IL2RA: variants seen among roughly 807,000 people sequenced by gnomAD.
The protein encoded by IL2RA is interleukin-2 receptor subunit alpha.
IL2RA carries 24 observed loss-of-function variants against 37.8 expected under a neutral mutation model. The ratio of observed to expected loss-of-function variants is 0.63; its 90% CI spans 0.46 to 0.89. The LOEUF (loss-of-function observed/expected upper bound fraction) is 0.89, where lower values mean the gene tolerates loss of function less well. Ranked by LOEUF, IL2RA falls within the 40% of genes least tolerant of loss-of-function variation. IL2RA has a pLI of 0.00. For missense variants in IL2RA, 319 were observed against 348.6 expected (o/e 0.92, Z 0.68); for synonymous variants, 125 against 114.6 (o/e 1.09, Z -0.58).
At chr10:6,050,807 T>C (rs1839940749) in intron 1 of IL2RA, among the ~76,000 whole-genome samples, 1 of 152,062 alleles carries the variant, frequency 6.6e-6, no homozygotes, top group South Asian at 2.1e-4. Context: ...AGGAGGAGGA[T>C]GGGTGCCCTG....
rs1215672509 is a variant in IL2RA, at chr10:6,048,649, C to T, written c.64+13439G>A. On this transcript the variant is annotated intron_variant, in intron 1 of 7. Transcript: ENST00000379959. The surrounding 1 kb of genome is among the most constrained non-coding windows in gnomAD (Gnocchi z 5.3). ...GTTAAAACCCTACCCTCATGGACTT[C>T]CATGGAGGTTACTCAATGCCCTATG... 1.3e-5 allele frequency among the ~76,000 whole-genome samples: 2 copies of T among 152,238 alleles called. No homozygotes were observed. The highest frequency in any genetic ancestry group is 2.9e-5 in the Non-Finnish European group (2 of 68,040).
In IL2RA at chr10:6,010,892, A is replaced by T. The variant is rs1003749869; in HGVS notation, c.*1980T>A. On this transcript the variant is annotated 3_prime_UTR_variant, in exon 8 of 8. Transcript: ENST00000379959. The stretch of plus-strand genomic sequence containing the variant: ...GATCTTATAGACCCCTCAACACCCA[A>T]AAGTCGTAATCAGTTCTACTCAAGT... 2 of 152,258 alleles carry T rather than the reference A, an allele frequency of 1.3e-5. No homozygotes were observed. Among genetic ancestry groups the T allele is most frequent in the African/African-American group, 4.8e-5 (2 of 41,426 alleles). The allele number at this position is 152,258 out of a possible 1,614,324, so 9.4% of individuals were successfully genotyped here. A position where few individuals can be genotyped will look rare whatever the true frequency, so the allele number is the denominator to read the frequency against.
In IL2RA at chr10:6,036,479, T is replaced by C. The variant is rs1839684773; in HGVS notation, c.65-10454A>G. 6.6e-6 allele frequency: 1 copy of C among 152,112 alleles called. No homozygotes were observed. The highest frequency in any genetic ancestry group is 2.4e-5 in the African/African-American group (1 of 41,410). The allele number at this position is 152,112 out of a possible 1,614,324, so 9.4% of individuals were successfully genotyped here. The stretch of plus-strand genomic sequence containing the variant: ...TCCTCCTGGCAAGAGGCCCCATTTT[T>C]CTTGCCACTGAGGTTAAGTGAAAAC... On this transcript the variant is annotated intron_variant, in intron 1 of 7. Transcript: ENST00000379959. The surrounding 1 kb of genome is among the most constrained non-coding windows in gnomAD (Gnocchi z 6.1).
Position 6,010,807 on chromosome 10 carries a change from T to C in IL2RA, c.*2065A>G, listed in dbSNP as rs550450134. 1 of 152,308 alleles carries C rather than the reference T, an allele frequency of 6.6e-6. No individual in the cohort carries two copies. The highest frequency in any genetic ancestry group is 2.1e-4 in the South Asian group (1 of 4,826). 9.4% of individuals were successfully genotyped at this position (152,308 alleles called of 1,614,324 possible). A position where few individuals can be genotyped will look rare whatever the true frequency, so the allele number is the denominator to read the frequency against. The stretch of plus-strand genomic sequence containing the variant: ...GCTTCTGGAAAATTCCACCATACAC[T>C]TTTGAGAGAAGGACAGATAAATGGT... On this transcript the variant is annotated 3_prime_UTR_variant, in exon 8 of 8. Transcript: ENST00000379959.
chr10:6,042,167 A>AAAAAAAAAAAAAAAAAATAC (rs1564549506), intron 1 of IL2RA, among the ~76,000 whole-genome samples: 1 of 149,122 alleles, frequency 6.7e-6, no homozygotes, highest in African/African-American at 2.4e-5. Flanking sequence ...AAAAAAAAAA[A>AAAAAAAAAAAAAAAAAATAC]ATTCTGATCA....
At chr10:6,060,246 T>C (rs568210052) in intron 1 of IL2RA, among the ~76,000 whole-genome samples, 3 of 152,264 alleles carry the variant, frequency 2.0e-5, no homozygotes, top group African/African-American at 7.2e-5. Context: ...CACGATGGAC[T>C]CTGAGGACTC....
chr10:6,019,014 A>G (rs199965784), intron 6 of IL2RA, among the ~76,000 whole-genome samples: 1 of 151,940 alleles, frequency 6.6e-6, no homozygotes, highest in East Asian at 1.9e-4. Flanking sequence ...CTAACAACCA[A>G]CCTACCAACC....
intron 6 of IL2RA, 120 bp downstream of exon 6, chr10:6,019,308 C>G: frequency 3.7e-6 from 3 of 803,124 alleles, no homozygotes; most frequent in Non-Finnish European, 6.8e-6. Flanking sequence ...ACCTATCAAC[C>G]TACCAGTCAA....
chr10:6,057,649 T>A lies in IL2RA; in HGVS notation c.64+4439A>T, dbSNP rs533684797. Among the ~76,000 whole-genome samples the A allele has an allele frequency of 1.3e-5, 2 of 152,160 alleles. No homozygotes were observed. The highest frequency in any genetic ancestry group is 2.9e-5 in the Non-Finnish European group (2 of 68,020). ...CTGCAAGGTTTATTTTCCTGCTAAT[T>A]CTATTCCCTGTGACCTCAAGCAACA... is the stretch of plus-strand genomic sequence containing the variant. On this transcript the variant is annotated intron_variant, in intron 1 of 7. Coordinates refer to ENST00000379959, the MANE Select transcript of IL2RA (RefSeq NM_000417.3). This position sits in a 1 kb window ranked among gnomAD's most constrained non-coding sequence, Gnocchi z 4.8.
rs551131164 is a variant in IL2RA, at chr10:6,010,834, G to T, written c.*2038C>A. 6.6e-6 allele frequency: 1 copy of T among 152,130 alleles called. No homozygotes were observed. The highest frequency in any genetic ancestry group is 2.1e-4 in the South Asian group (1 of 4,832). The allele number at this position is 152,130 out of a possible 1,614,324, so 9.4% of individuals were successfully genotyped here. Reference sequence around the variant, plus strand: ...TTGAGAGAAGGACAGATAAATGGTCGATAACATCTTAGTATTATCATGGAA... The same window carrying T: ...TTGAGAGAAGGACAGATAAATGGTCTATAACATCTTAGTATTATCATGGAA... On this transcript the variant is annotated 3_prime_UTR_variant, in exon 8 of 8. Coordinates refer to ENST00000379959, the MANE Select transcript of IL2RA (RefSeq NM_000417.3).
At chr10:6,024,499 G>A (rs12722574) in intron 2 of IL2RA, 145 bp from the exon 3 acceptor site, 146,473 of 678,636 alleles carry the variant, frequency 0.22, 17,997 homozygotes, top group African/African-American at 0.44. Context: ...TTACAAATAC[G>A]AAACCAGAGT....
chr10:6,049,029 A>T (rs1839907580), intron 1 of IL2RA, among the ~76,000 whole-genome samples: 1 of 152,198 alleles, frequency 6.6e-6, no homozygotes, highest in Admixed American at 6.5e-5. Context: ...AACCAATAGG[A>T]TGTATGTAGA....
In IL2RA at chr10:6,054,543, A is replaced by G. The variant is rs893977833; in HGVS notation, c.64+7545T>C. Among the ~76,000 whole-genome samples, 8 of 152,260 alleles carry G rather than the reference A, an allele frequency of 5.3e-5. No homozygotes were observed. Among genetic ancestry groups the G allele is most frequent in the Middle Eastern group, 3.4e-3 (1 of 294 alleles). ...ACTCATTTGCTTGGCACACACACAC[A>G]AAACTTCATGTATGTTGAAATATGG... On this transcript the variant is annotated intron_variant, in intron 1 of 7. Coordinates refer to ENST00000379959, the MANE Select transcript of IL2RA (RefSeq NM_000417.3). The surrounding 1 kb of genome is among the most constrained non-coding windows in gnomAD (Gnocchi z 4.5).
At chr10:6,013,948 C>T (rs1839234734) in intron 7 of IL2RA, among the ~76,000 whole-genome samples, 3 of 151,074 alleles carry the variant, frequency 2.0e-5, no homozygotes, top group South Asian at 2.1e-4. Context: ...TCTCCCACCT[C>T]GCCCTTACCA....
In IL2RA at chr10:6,046,332, T is replaced by G. The variant is rs889409208; in HGVS notation, c.64+15756A>C. On this transcript the variant is annotated intron_variant, in intron 1 of 7. Transcript: ENST00000379959. The surrounding 1 kb of genome is among the most constrained non-coding windows in gnomAD (Gnocchi z 4.8). ...GGCGCTTTCAGATACTACCATGATC[T>G]GCTAGTCTACTGTGATTTTGCTTAA... 7.2e-5 allele frequency among the ~76,000 whole-genome samples: 11 copies of G among 152,210 alleles called. No homozygotes were observed. The highest frequency in any genetic ancestry group is 2.6e-4 in the Admixed American group (4 of 15,278).
At chr10:6,050,047 C>T (rs1442196649) in intron 1 of IL2RA, among the ~76,000 whole-genome samples, 3 of 152,088 alleles carry the variant, frequency 2.0e-5, no homozygotes, top group Non-Finnish European at 4.4e-5. Flanking sequence ...ATGTTGTGTG[C>T]CAGGCAGAGG....
At chr10:6,041,739 A>G (rs1435558430) in intron 1 of IL2RA, among the ~76,000 whole-genome samples, 1 of 152,232 alleles carries the variant, frequency 6.6e-6, no homozygotes, top group African/African-American at 2.4e-5. Context: ...GTGACATGTG[A>G]AGGTTGAACT....
At chr10:6,051,523 TTTC>T (rs1564552644) in intron 1 of IL2RA, among the ~76,000 whole-genome samples, 1 of 145,922 alleles carries the variant, frequency 6.9e-6, no homozygotes, top group Non-Finnish European at 1.5e-5. Flanking sequence ...ATATATTTTT[TTTC>T]TTTTTTTTTT....
At chr10:6,030,053 A>G (rs1839551657) in intron 1 of IL2RA, among the ~76,000 whole-genome samples, 1 of 152,238 alleles carries the variant, frequency 6.6e-6, no homozygotes, top group African/African-American at 2.4e-5. Context: ...AATATCTGAA[A>G]TGAGCCTAGC....
Sources: gnomAD v4.1 joint callset for allele counts (sites outside exome capture counted in the v4.1 genomes callset) on GRCh38, gnomAD v4.1.1 for gene constraint, Gnocchi (gnomAD v3.1) non-coding constraint, MANE v1.5 for transcripts, NCBI Gene and HGNC (gene_info 2026-07-23, HGNC 2026-07-21) for gene names.